TRIM25: variants seen among roughly 807,000 people sequenced by gnomAD.
TRIM25 encodes the protein E3 ubiquitin/ISG15 ligase TRIM25.
Under a neutral mutation model 65.2 loss-of-function variants are expected in TRIM25, and 45 were observed. That is an observed-to-expected ratio of 0.69 (90% confidence interval 0.54 to 0.89). The LOEUF is 0.89. TRIM25 is among the 40% of genes least tolerant of loss of function. TRIM25 has a pLI of 0.00. For missense variants in TRIM25, 714 were observed against 803.7 expected, an observed-to-expected ratio of 0.89 and a Z score of 1.35; for synonymous variants, 321 against 340.4, an observed-to-expected ratio of 0.94 and a Z score of 0.63.
In TRIM25 at chr17:56,891,922, C is replaced by G; in HGVS notation, c.1671G>C (p.Lys557Asn). ...ASWCVEWFNT[K>N]ISAWHNNVEK... ...CCACGTTATTGTGCCAGGCAGAGAT[C>G]TTGGTGTTGAACCACTCCACGCACC... The change falls in exon 9 of 9, where the codon AAG becomes AAC. Residue 557 changes from lysine to asparagine, a missense_variant. This residue lies in a region of TRIM25 where 413 missense variants were observed against 498.2 expected (regional missense o/e 0.83). Coordinates refer to ENST00000316881, the MANE Select transcript of TRIM25 (RefSeq NM_005082.5). The G allele has an allele frequency of 1.2e-6, 2 of 1,614,240 alleles. No homozygotes were observed. The highest frequency in any genetic ancestry group is 1.7e-6 in the Non-Finnish European group (2 of 1,180,044).
chr17:56,904,171 G>T, intron 3 of TRIM25, 84 bp downstream of exon 3: 1 of 1,183,370 alleles, frequency 8.5e-7, no homozygotes, highest in Non-Finnish European at 1.2e-6. Flanking sequence ...CCAGTCTCCC[G>T]CTCCTTGAGG....
At position 56,898,602 on chromosome 17, in the gene TRIM25, G is replaced by A. The variant is rs978867011; in HGVS notation, c.1153+513C>T. On this transcript the variant is annotated intron_variant, in intron 5 of 8. Transcript: ENST00000316881. ...ATGTGTAAAAGCACAAACATAAACAGTTATGCAGTAGATGGGTGGTATTAA... is the reference window on the plus strand; with the variant it reads ...ATGTGTAAAAGCACAAACATAAACAATTATGCAGTAGATGGGTGGTATTAA... Among the ~76,000 whole-genome samples, 23 of 151,910 alleles carry A rather than the reference G, an allele frequency of 1.5e-4. 1 individual carries two copies. Among genetic ancestry groups the A allele is most frequent in the African/African-American group, 5.6e-4 (23 of 41,314 alleles).
At chr17:56,895,724 A>G in intron 6 of TRIM25, 120 bp from the exon 7 acceptor site, 1 of 1,263,976 alleles carries the variant, frequency 7.9e-7, no homozygotes, top group Non-Finnish European at 1.1e-6. Context: ...CACAGGGGAA[A>G]ACAGACAAGG....
At chr17:56,906,683 T>A (rs1208231698) in intron 2 of TRIM25, among the ~76,000 whole-genome samples, 1 of 152,112 alleles carries the variant, frequency 6.6e-6, no homozygotes, top group Admixed American at 6.5e-5. Flanking sequence ...TTAGTAGAGA[T>A]GGGGTTTCGC....
At chr17:56,907,691 A>G (rs1442850216) in intron 2 of TRIM25, among the ~76,000 whole-genome samples, 1 of 152,202 alleles carries the variant, frequency 6.6e-6, no homozygotes, top group Non-Finnish European at 1.5e-5. Context: ...TGCTCTCTGT[A>G]ATGGGTTGAA....
At position 56,913,557 on chromosome 17, in the gene TRIM25, CG is replaced by C. The variant is rs1414308561; in HGVS notation, c.431del (p.Pro144ArgfsTer48). 1 of 1,613,288 alleles carries C rather than the reference CG, an allele frequency of 6.2e-7. No individual in the cohort carries two copies. The highest frequency in any genetic ancestry group is 8.5e-7 in the Non-Finnish European group (1 of 1,179,582). On this transcript the variant is annotated frameshift_variant, in exon 1 of 9. Coordinates refer to ENST00000316881, the MANE Select transcript of TRIM25 (RefSeq NM_005082.5). LOFTEE classifies it high-confidence loss of function. The surrounding 1 kb of genome is among the most constrained non-coding windows in gnomAD (Gnocchi z 6.1). ...ACAGGTCGCGAACGGGCGGCTGCAG[CG>C]GGTGGTCCTGGAAGGCGGGGCTGTC... ...HFDSPAFQDH[P>X]LQPPVRDLLR...
intron 2 of TRIM25, among the ~76,000 whole-genome samples, 170 bp downstream of exon 2, chr17:56,908,298 A>C (rs573612225): frequency 2.4e-4 from 37 of 152,298 alleles, no homozygotes; most frequent in African/African-American, 7.5e-4. Flanking sequence ...TTTGCAAAGG[A>C]TCTCTCTCAG....
intron 5 of TRIM25, 125 bp from the exon 6 acceptor site, chr17:56,896,077 CAGA>C: frequency 1.9e-6 from 2 of 1,055,788 alleles, no homozygotes; most frequent in Non-Finnish European, 2.7e-6. Context: ...ATTTGAAAAA[CAGA>C]AGGAGTCAGC....
chr17:56,891,820 G>A lies in TRIM25; in HGVS notation c.1773C>T (p.Phe591=), dbSNP rs748000227. ...TCAGGTGGACCTTGTCGGCAACAGC[G>A]AAGAAGATGACAAAGCCGTGGTCAC... ...LNCDHGFVIF[F]AVADKVHLMY... Residue 591 remains phenylalanine (F), a synonymous_variant, in exon 9 of 9, where the codon TTC becomes TTT. Coordinates refer to ENST00000316881, the MANE Select transcript of TRIM25 (RefSeq NM_005082.5). 1.2e-5 allele frequency: 19 copies of A among 1,614,104 alleles called. No individual in the cohort carries two copies. Among genetic ancestry groups the A allele is most frequent in the Admixed American group, 5.0e-5 (3 of 60,008 alleles).
chr17:56,900,530 G>T (rs574551767), intron 4 of TRIM25, among the ~76,000 whole-genome samples: 11 of 152,362 alleles, frequency 7.2e-5, no homozygotes, highest in African/African-American at 2.4e-4. Context: ...AGTCTGAGGA[G>T]TGGGAGCAGT....
chr17:56,897,898 A>T (rs1052491497), intron 5 of TRIM25, among the ~76,000 whole-genome samples: 1 of 152,172 alleles, frequency 6.6e-6, no homozygotes, highest in Non-Finnish European at 1.5e-5. Flanking sequence ...TCCCTCCTCC[A>T]TCTGCACCAG....
intron 8 of TRIM25, 27 bp downstream of exon 8, chr17:56,895,316 C>A: frequency 1.3e-6 from 2 of 1,591,520 alleles, no homozygotes; most frequent in Non-Finnish European, 1.7e-6. Context: ...ACCAGTGGAA[C>A]CGCGCACCAG....
intron 5 of TRIM25, among the ~76,000 whole-genome samples, chr17:56,898,382 C>CAG (rs1303373317): frequency 6.6e-6 from 1 of 152,054 alleles, no homozygotes; most frequent in Non-Finnish European, 1.5e-5. Flanking sequence ...AGAGCTCTCA[C>CAG]AATCAGTGTC....
At chr17:56,907,200 G>A (rs1259350454) in intron 2 of TRIM25, among the ~76,000 whole-genome samples, 2 of 152,232 alleles carry the variant, frequency 1.3e-5, no homozygotes, top group Non-Finnish European at 2.9e-5. Flanking sequence ...TGAACCCTTA[G>A]TCTGGGTTAC....
intron 1 of TRIM25, chr17:56,912,969 T>G (rs1301935647): frequency 6.4e-6 from 1 of 155,850 alleles, no homozygotes; most frequent in Non-Finnish European, 1.4e-5. Flanking sequence ...CGAAACCTCA[T>G]CTCTACAAAA....
intron 8 of TRIM25, 87 bp downstream of exon 8, chr17:56,895,256 G>A (rs889140623): frequency 5.7e-5 from 59 of 1,039,406 alleles, no homozygotes; most frequent in Admixed American, 8.2e-5. Flanking sequence ...TGATATAGCC[G>A]GCCAGCTGGC....
chr17:56,903,474 A>C (rs1909453995), intron 3 of TRIM25, among the ~76,000 whole-genome samples: 1 of 152,186 alleles, frequency 6.6e-6, no homozygotes, highest in Non-Finnish European at 1.5e-5. Context: ...GACTACTAAC[A>C]CACACTTCCA....
Position 56,910,863 on chromosome 17 carries a change from A to C in TRIM25, c.598-2300T>G, listed in dbSNP as rs149352418. ...CCCAGCTGAGACTGGCTCTGCCAAC[A>C]GTGATGAGCAGCAGTAGCAGGGCTC... On this transcript the variant is annotated intron_variant, in intron 1 of 8. Coordinates refer to ENST00000316881, the MANE Select transcript of TRIM25 (RefSeq NM_005082.5). 2.0e-5 allele frequency among the ~76,000 whole-genome samples: 3 copies of C among 152,352 alleles called. 1 individual carries two copies. The East Asian group carries it at 5.8e-4, about 29-fold the overall frequency.
intron 1 of TRIM25, chr17:56,912,028 C>G (rs1909639677): frequency 6.6e-6 from 1 of 152,244 alleles, no homozygotes; most frequent in Admixed American, 6.5e-5. Flanking sequence ...ATAGCAAGAC[C>G]CTGTCTCTAA....
Sources: allele counts gnomAD v4.1 joint callset (sites outside exome capture counted in the v4.1 genomes callset), GRCh38; gene constraint gnomAD v4.1.1; regional missense constraint gnomAD v4.1.1; non-coding constraint Gnocchi (gnomAD v3.1); transcripts MANE v1.5; gene names NCBI Gene and HGNC (gene_info 2026-07-23, HGNC 2026-07-21).